Variants in ZDHHC14 observed in about 807,000 individuals in gnomAD.
The protein encoded by ZDHHC14 is zDHHC palmitoyltransferase 14, also known as palmitoyltransferase ZDHHC14.
Under a neutral mutation model 47.7 loss-of-function variants are expected in ZDHHC14, and 16 were observed. The ratio of observed to expected loss-of-function variants is 0.34; its 90% CI spans 0.23 to 0.51. The LOEUF (loss-of-function observed/expected upper bound fraction) is 0.51. Among genes scored for constraint, ZDHHC14 ranks in the 20% least tolerant of loss-of-function variants. The probability of loss-of-function intolerance (pLI) is 0.97; values close to 1 mark genes in which losing one functional copy is unlikely to be tolerated. For missense variants in ZDHHC14, 515 were observed against 662.5 expected, an observed-to-expected ratio of 0.78 and a Z score of 2.44; for synonymous variants, 293 against 278.9, an observed-to-expected ratio of 1.05 and a Z score of -0.50.
intron 1 of ZDHHC14, among the ~76,000 whole-genome samples, chr6:157,532,176 G>A (rs1013289598): frequency 6.6e-6 from 1 of 152,270 alleles, no homozygotes; most frequent in Non-Finnish European, 1.5e-5. Context: ...TGGCCCCAGG[G>A]CCTTGGGATG....
At chr6:157,391,215 G>T (rs1045392460) in intron 1 of ZDHHC14, among the ~76,000 whole-genome samples, 3 of 152,176 alleles carry the variant, frequency 2.0e-5, no homozygotes, top group Non-Finnish European at 4.4e-5. Flanking sequence ...AACAGTGGAA[G>T]ATTTCTGTTT....
intron 1 of ZDHHC14, among the ~76,000 whole-genome samples, chr6:157,438,842 T>C (rs1381159088): frequency 6.6e-6 from 1 of 152,204 alleles, no homozygotes; most frequent in Non-Finnish European, 1.5e-5. Context: ...AATTTATGGA[T>C]GTGTTTGGCT....
At chr6:157,594,661 G>A (rs1053581774) in intron 3 of ZDHHC14, among the ~76,000 whole-genome samples, 4 of 152,272 alleles carry the variant, frequency 2.6e-5, no homozygotes, top group East Asian at 3.9e-4. Context: ...TTGACCTTCC[G>A]TAGATGCAGT....
At chr6:157,406,479 T>C (rs1256386091) in intron 1 of ZDHHC14, among the ~76,000 whole-genome samples, 2 of 152,252 alleles carry the variant, frequency 1.3e-5, no homozygotes, top group African/African-American at 4.8e-5. Context: ...TTTGGCTTGC[T>C]GAGCTAGTGG....
At chr6:157,547,222 T>C (rs1027040243) in intron 2 of ZDHHC14, among the ~76,000 whole-genome samples, 3 of 152,236 alleles carry the variant, frequency 2.0e-5, no homozygotes, top group African/African-American at 7.2e-5. Context: ...CTTCCTCCTC[T>C]ACTCCCTCTC....
At chr6:157,456,518 C>T (rs1203639497) in intron 1 of ZDHHC14, among the ~76,000 whole-genome samples, 1 of 152,118 alleles carries the variant, frequency 6.6e-6, no homozygotes, top group Non-Finnish European at 1.5e-5. Flanking sequence ...CTGTTAGGGA[C>T]CTGACGTGAC....
At chr6:157,453,927 G>A (rs142059555) in intron 1 of ZDHHC14, among the ~76,000 whole-genome samples, 22 of 152,274 alleles carry the variant, frequency 1.4e-4, no homozygotes, top group East Asian at 1.9e-4. Flanking sequence ...ATTGGCAGCT[G>A]TTGTTCAAAA....
At chr6:157,484,773 G>A (rs1006200467) in intron 1 of ZDHHC14, among the ~76,000 whole-genome samples, 6 of 152,058 alleles carry the variant, frequency 3.9e-5, no homozygotes, top group African/African-American at 1.4e-4. Context: ...GGGATCTGGG[G>A]TGCAAACACA....
rs150242277 is a variant in ZDHHC14 at position 157,586,338 on chromosome 6, T to C, written c.407-6650T>C. Among the ~76,000 whole-genome samples, 7 of 152,046 alleles carry C rather than the reference T, an allele frequency of 4.6e-5. No individual in the cohort carries two copies. The highest frequency in any genetic ancestry group is 3.9e-4 in the East Asian group (2 of 5,174). Reference sequence around the variant, plus strand: ...GAAGCTGGAACTGGCCCTCAAAGGATAGGATTATCTGCGCAGACAGCAGGA... The same window carrying C: ...GAAGCTGGAACTGGCCCTCAAAGGACAGGATTATCTGCGCAGACAGCAGGA... On this transcript the variant is annotated intron_variant, in intron 2 of 8. Transcript: ENST00000359775. The surrounding 1 kb of genome is among the most constrained non-coding windows in gnomAD (Gnocchi z 4.6).
At chr6:157,640,202 A>G (rs1366392225) in intron 5 of ZDHHC14, among the ~76,000 whole-genome samples, 3 of 152,230 alleles carry the variant, frequency 2.0e-5, no homozygotes, top group Non-Finnish European at 4.4e-5. Flanking sequence ...TTAACATCCA[A>G]TTAAAGGGAT....
chr6:157,407,726 G>A (rs1777792090), intron 1 of ZDHHC14, among the ~76,000 whole-genome samples: 1 of 152,194 alleles, frequency 6.6e-6, no homozygotes, highest in African/African-American at 2.4e-5. Flanking sequence ...AGAACTCGGT[G>A]CTTATATGTT....
chr6:157,543,038 A>G (rs966757097), intron 2 of ZDHHC14, among the ~76,000 whole-genome samples: 2 of 152,194 alleles, frequency 1.3e-5, no homozygotes, highest in African/African-American at 4.8e-5. Context: ...ATTCCACTCT[A>G]CTAAGCAGCC....
intron 1 of ZDHHC14, among the ~76,000 whole-genome samples, chr6:157,432,065 T>C (rs111935689): frequency 0.025 from 3,835 of 152,240 alleles, 164 homozygotes; most frequent in African/African-American, 0.088. Context: ...TTTCATTTTT[T>C]ACTCTTGGAC....
chr6:157,585,915 G>A lies in ZDHHC14; in HGVS notation c.407-7073G>A, dbSNP rs183761301. On this transcript the variant is annotated intron_variant, in intron 2 of 8. Transcript: ENST00000359775. ...AAGAGTGGCCTGCCTGGTGGACAGC[G>A]TTGCAGCACTTGAGGGCCTGTGGCT... Among the ~76,000 whole-genome samples, 143 of 152,348 alleles carry A rather than the reference G, an allele frequency of 9.4e-4. No individual in the cohort carries two copies. The East Asian group carries it at 0.011, about 12-fold the overall frequency.
chr6:157,646,994 G>C (rs1051767459), intron 6 of ZDHHC14, among the ~76,000 whole-genome samples: 1 of 152,148 alleles, frequency 6.6e-6, no homozygotes, highest in Non-Finnish European at 1.5e-5. Context: ...ATCTCTGCTG[G>C]CTTATATGAG....
chr6:157,598,778 A>G (rs1001909709), intron 3 of ZDHHC14, among the ~76,000 whole-genome samples: 27 of 152,260 alleles, frequency 1.8e-4, no homozygotes, highest in Non-Finnish European at 3.7e-4. Context: ...TAATAAATGT[A>G]TGTTGAACTT....
At chr6:157,642,386 A>T (rs1438245261) in intron 5 of ZDHHC14, among the ~76,000 whole-genome samples, 1 of 152,208 alleles carries the variant, frequency 6.6e-6, no homozygotes, top group Non-Finnish European at 1.5e-5. Flanking sequence ...GGCTGGGTGC[A>T]TAGAAGGACA....
chr6:157,662,472 G>T (rs140990956), intron 8 of ZDHHC14, among the ~76,000 whole-genome samples: 1 of 152,234 alleles, frequency 6.6e-6, no homozygotes, highest in South Asian at 2.1e-4. Context: ...GTGAGCCCCC[G>T]CGCCCAGCCT....
intron 2 of ZDHHC14, among the ~76,000 whole-genome samples, chr6:157,549,855 T>C (rs1782149341): frequency 6.6e-6 from 1 of 152,230 alleles, no homozygotes; most frequent in Non-Finnish European, 1.5e-5. Flanking sequence ...CCTATGGAAA[T>C]CCAAACTTGT....
Sources: allele counts gnomAD v4.1 joint callset (sites outside exome capture counted in the v4.1 genomes callset), GRCh38; gene constraint gnomAD v4.1.1; non-coding constraint Gnocchi (gnomAD v3.1); transcripts MANE v1.5; gene names NCBI Gene and HGNC (gene_info 2026-07-23, HGNC 2026-07-21).